Variants in RPS6KC1 observed in about 807,000 individuals in gnomAD.
RPS6KC1 encodes the protein ribosomal protein S6 kinase C1.
In RPS6KC1, 54 loss-of-function variants were observed where a neutral mutation model predicts 103.8. The ratio of observed to expected loss-of-function variants is 0.52; its 90% CI spans 0.42 to 0.65. The LOEUF (loss-of-function observed/expected upper bound fraction) is 0.65, where lower values mean the gene tolerates loss of function less well. Among genes scored for constraint, RPS6KC1 ranks in the 30% least tolerant of loss-of-function variants. The pLI is 0.00. For missense variants in RPS6KC1, 1,151 were observed against 1,253.8 expected (o/e 0.92, Z 1.24); for synonymous variants, 439 against 438.7 (o/e 1.00, Z -0.01).
chr1:213,456,169 C>T, the RPS6KC1 span, among the ~76,000 whole-genome samples: 14 of 152,180 alleles, frequency 9.2e-5, no homozygotes, highest in African/African-American at 2.9e-4. Flanking sequence ...AAACTTGCCA[C>T]GGAGTGTGCG....
At chr1:213,659,212 G>A in the RPS6KC1 span, among the ~76,000 whole-genome samples, 10 of 151,998 alleles carry the variant, frequency 6.6e-5, no homozygotes, top group East Asian at 1.9e-4. Context: ...GGATCCACCC[G>A]ACTTGGCCTC....
At chr1:213,468,194 G>A in the RPS6KC1 span, among the ~76,000 whole-genome samples, 1 of 152,338 alleles carries the variant, frequency 6.6e-6, no homozygotes, top group South Asian at 2.1e-4. Context: ...CACTAAATGA[G>A]TGGAACCTTA....
At chr1:213,644,271 A>G in the RPS6KC1 span, among the ~76,000 whole-genome samples, 132 of 152,200 alleles carry the variant, frequency 8.7e-4, no homozygotes, top group African/African-American at 3.0e-3. Context: ...CAGATTTCCA[A>G]TATTCCCCCT....
intron 12 of RPS6KC1, among the ~76,000 whole-genome samples, chr1:213,251,872 A>C (rs191259456): frequency 6.6e-6 from 1 of 152,336 alleles, no homozygotes; most frequent in East Asian, 1.9e-4. Context: ...TAATTGGTAT[A>C]ATATTGACAG....
chr1:213,284,287 C>T, the RPS6KC1 span, among the ~76,000 whole-genome samples: 5 of 152,252 alleles, frequency 3.3e-5, no homozygotes, highest in South Asian at 1.0e-3. Flanking sequence ...GAGCCTGAGG[C>T]CAGTGGATTG....
rs2094616347 is a variant in RPS6KC1, at chr1:213,255,288, T to C, written c.2912-6270T>C. Among the ~76,000 whole-genome samples the C allele has an allele frequency of 2.7e-5, 4 of 150,178 alleles. No homozygotes were observed. The South Asian group carries it at 8.4e-4, about 32-fold the overall frequency. ...CTGCAGTGAGTCATCATCCTGCCAC[T>C]GCACTCCAGCCTAGGTGACAGGATG... On this transcript the variant is annotated intron_variant, in intron 12 of 14. Coordinates refer to ENST00000366960, the MANE Select transcript of RPS6KC1 (RefSeq NM_012424.6).
chr1:213,339,880 C>T, the RPS6KC1 span, among the ~76,000 whole-genome samples: 1 of 152,134 alleles, frequency 6.6e-6, no homozygotes, highest in South Asian at 2.1e-4. Context: ...CTGAGGGCCT[C>T]ATTCTGAGGC....
the RPS6KC1 span, among the ~76,000 whole-genome samples, chr1:213,503,182 A>G: frequency 6.6e-6 from 1 of 151,128 alleles, no homozygotes; most frequent in Non-Finnish European, 1.5e-5. Context: ...TTGGTTTGCC[A>G]TGCATGGTCC....
chr1:213,053,826 C>A (rs1411954202), intron 1 of RPS6KC1, among the ~76,000 whole-genome samples: 1 of 151,480 alleles, frequency 6.6e-6, no homozygotes, highest in Non-Finnish European at 1.5e-5. Flanking sequence ...AAAGGTTAAC[C>A]AAATTCAGAA....
the RPS6KC1 span, among the ~76,000 whole-genome samples, chr1:213,410,224 A>C: frequency 2.6e-5 from 4 of 152,188 alleles, no homozygotes; most frequent in African/African-American, 7.2e-5. Context: ...GGCAGCAGAA[A>C]GGGACCAAAG....
chr1:213,241,460 A>G lies in RPS6KC1; in HGVS notation c.1984A>G (p.Arg662Gly). 6.2e-7 allele frequency: 1 copy of G among 1,614,028 alleles called. No homozygotes were observed. The highest frequency in any genetic ancestry group is 8.5e-7 in the Non-Finnish European group (1 of 1,179,948). The stretch of plus-strand genomic sequence containing the variant: ...GTTTAAAGCTCAGGACACCATTAGC[A>G]GGGGCTCAGATGACTCAGTGCCAGT... ...VEFKAQDTIS[R>G]GSDDSVPVIS... Residue 662 changes from arginine (R) to glycine (G), a missense_variant, in exon 11 of 15, where the codon AGG becomes GGG. By Grantham distance (125) the Arg-to-Gly change is moderately radical. Transcript: ENST00000366960.
the RPS6KC1 span, among the ~76,000 whole-genome samples, chr1:213,783,586 T>C: frequency 6.6e-5 from 10 of 152,110 alleles, no homozygotes; most frequent in Non-Finnish European, 1.2e-4. Flanking sequence ...GGCGAGGTGG[T>C]ATTAACAAAC....
At chr1:213,649,696 T>C in the RPS6KC1 span, among the ~76,000 whole-genome samples, 1 of 152,140 alleles carries the variant, frequency 6.6e-6, no homozygotes, top group Non-Finnish European at 1.5e-5. Flanking sequence ...GTTGTGCTTT[T>C]CTCCAACAAA....
chr1:213,167,845 C>CTTT lies in RPS6KC1; in HGVS notation c.836-5_836-3dup. The CTTT allele has an allele frequency of 7.7e-7, 1 of 1,291,368 alleles. No homozygotes were observed. Among genetic ancestry groups the CTTT allele is most frequent in the Non-Finnish European group, 1.1e-6 (1 of 944,316 alleles). 80.0% of individuals were successfully genotyped at this position (1,291,368 alleles called of 1,614,324 possible). ...AAAATTTATTTTTTACATGTCCAGA[C>CTTT]TTTTTTTTTTAGGAGAGTCAAGCCC... On this transcript the variant is annotated splice_polypyrimidine_tract_variant and intron_variant, in intron 6 of 14. Transcript: ENST00000366960.
chr1:213,456,189 G>A, the RPS6KC1 span, among the ~76,000 whole-genome samples: 2 of 152,198 alleles, frequency 1.3e-5, no homozygotes, highest in Non-Finnish European at 2.9e-5. Flanking sequence ...GTCCCGTGCA[G>A]CATGTCTTCT....
At chr1:213,175,504 T>C (rs1032279987) in intron 7 of RPS6KC1, among the ~76,000 whole-genome samples, 1 of 152,216 alleles carries the variant, frequency 6.6e-6, no homozygotes, top group Admixed American at 6.5e-5. Flanking sequence ...CATCACCATT[T>C]TAATACAGGA....
chr1:213,251,966 T>TAACTAGTCAACTA (rs2094553686), intron 12 of RPS6KC1, among the ~76,000 whole-genome samples: 1 of 152,208 alleles, frequency 6.6e-6, no homozygotes, highest in Non-Finnish European at 1.5e-5. Context: ...AATAGACCTT[T>TAACTAGTCAACTA]ATAGGTGAAT....
At chr1:213,253,122 G>A (rs555827959) in intron 12 of RPS6KC1, among the ~76,000 whole-genome samples, 1 of 152,260 alleles carries the variant, frequency 6.6e-6, no homozygotes, top group Non-Finnish European at 1.5e-5. Context: ...AGAAGATTCT[G>A]AACATACTGT....
chr1:213,215,110 G>A lies in RPS6KC1; in HGVS notation c.1045-15387G>A, dbSNP rs11120105. ...AAAAGAGGAAGTTTGAACCCATGGC[G>A]AAGACGTTAAAAACCCTGAAAAAAG... On this transcript the variant is annotated intron_variant, in intron 8 of 14. Coordinates refer to ENST00000366960, the MANE Select transcript of RPS6KC1 (RefSeq NM_012424.6). Among the ~76,000 whole-genome samples, 1,063 of 152,222 alleles carry A rather than the reference G, an allele frequency of 7.0e-3. 13 individuals carry two copies. Among genetic ancestry groups the A allele is most frequent in the African/African-American group, 0.024 (1,004 of 41,520 alleles).
Sources: allele counts gnomAD v4.1 joint callset (sites outside exome capture counted in the v4.1 genomes callset), GRCh38; gene constraint gnomAD v4.1.1; transcripts MANE v1.5; gene names NCBI Gene and HGNC (gene_info 2026-07-23, HGNC 2026-07-21).